The following SHANK2 variants were observed in gnomAD, a reference collection of about 807,000 sequenced individuals.
The protein encoded by SHANK2 is SH3 and multiple ankyrin repeat domains 2.
A neutral mutation model predicts 133.7 loss-of-function variants in SHANK2; 43 were observed. That is an observed-to-expected ratio of 0.32 (90% CI 0.25 to 0.41). The LOEUF is 0.41. Ranked by LOEUF, SHANK2 falls within the 10% of genes least tolerant of loss-of-function variation. SHANK2 has a pLI of 1.00. For missense variants in SHANK2, 1,994 were observed against 2,235.8 expected, an observed-to-expected ratio of 0.89 and a Z score of 2.18; for synonymous variants, 1,017 against 952.8, an observed-to-expected ratio of 1.07 and a Z score of -1.24.
chr11:70,750,643 C>T (rs967883707), intron 14 of SHANK2, among the ~76,000 whole-genome samples: 13 of 152,252 alleles, frequency 8.5e-5, no homozygotes, highest in Middle Eastern at 3.4e-3. Flanking sequence ...GAACAGGGAT[C>T]GTGTGAAGTG....
chr11:70,816,669 G>A (rs1948404839), intron 12 of SHANK2, among the ~76,000 whole-genome samples: 1 of 152,186 alleles, frequency 6.6e-6, no homozygotes, highest in East Asian at 1.9e-4. Context: ...AGGAGCAGAG[G>A]GGCTCAGCCA....
chr11:70,888,816 C>CA (rs532245553), intron 11 of SHANK2, among the ~76,000 whole-genome samples: 229 of 135,708 alleles, frequency 1.7e-3, no homozygotes, highest in Admixed American at 2.1e-3. Flanking sequence ...GACGCCATCT[C>CA]AAAAAAAAAG....
chr11:70,659,759 GACT>G, intron 17 of SHANK2, 66 bp downstream of exon 17: 1 of 1,599,958 alleles, frequency 6.3e-7, no homozygotes, highest in Non-Finnish European at 8.6e-7. Context: ...GTGCTGCCAG[GACT>G]ACGACCCTCT....
At chr11:70,513,384 A>G (rs770967013) in intron 17 of SHANK2, among the ~76,000 whole-genome samples, 259 of 152,332 alleles carry the variant, frequency 1.7e-3, no homozygotes, top group Non-Finnish European at 2.6e-3. Flanking sequence ...TAGGCTTGCT[A>G]TGATAAGGCT....
intron 12 of SHANK2, among the ~76,000 whole-genome samples, chr11:70,815,175 AACACAC>A (rs61610592): frequency 0.12 from 14,325 of 119,154 alleles, 1,064 homozygotes; most frequent in Non-Finnish European, 0.16. Context: ...TGGGAGAAGA[AACACAC>A]ACACACACAC....
At chr11:71,222,364 T>C (rs1954563938) in intron 2 of SHANK2, among the ~76,000 whole-genome samples, 1 of 152,214 alleles carries the variant, frequency 6.6e-6, no homozygotes, top group African/African-American at 2.4e-5. Flanking sequence ...GCAGGGCTGC[T>C]GCTCTGGAAG....
chr11:71,197,598 C>G (rs939040546), intron 2 of SHANK2, among the ~76,000 whole-genome samples: 14 of 152,182 alleles, frequency 9.2e-5, no homozygotes, highest in African/African-American at 3.4e-4. Flanking sequence ...CCCCATGGGT[C>G]TCAGATTTTA....
intron 11 of SHANK2, among the ~76,000 whole-genome samples, chr11:70,884,656 C>A (rs550166612): frequency 6.6e-6 from 1 of 152,176 alleles, no homozygotes; most frequent in Non-Finnish European, 1.5e-5. Context: ...TCCGGTCCCC[C>A]CCACCGAGTG....
intron 17 of SHANK2, among the ~76,000 whole-genome samples, chr11:70,643,858 T>C (rs2061221713): frequency 6.7e-6 from 1 of 150,200 alleles, no homozygotes; most frequent in South Asian, 2.1e-4. Flanking sequence ...ACAGAAACCA[T>C]ACCGTGTGCT....
chr11:70,872,936 C>T (rs1039566434), intron 11 of SHANK2: 20 of 462,196 alleles, frequency 4.3e-5, no homozygotes, highest in Non-Finnish European at 8.1e-5. Flanking sequence ...CACTGTCTGC[C>T]CTCTCCCCAC....
At position 70,486,562 on chromosome 11, in the gene SHANK2, T is replaced by C. The variant is rs1555153708; in HGVS notation, c.3731A>G (p.Asn1244Ser). ...TTTGGTATCAATGTAAAGAGGTTTG[T>C]TGAGGTCGGCCTTGGGGGCCTCCCC... ...PKGEAPKADL[N>S]KPLYIDTKMR... is the part of the protein sequence containing the mutation. Residue 1244 changes from asparagine (N) to serine (S), a missense_variant, in exon 25 of 26, where the codon AAC becomes AGC. This residue lies in a region of SHANK2 where 797 missense variants were observed against 907.4 expected (regional missense o/e 0.88). Transcript: ENST00000601538. This position sits in a 1 kb window ranked among gnomAD's most constrained non-coding sequence, Gnocchi z 8.0. 6.2e-7 allele frequency: 1 copy of C among 1,614,100 alleles called. No homozygotes were observed. Among genetic ancestry groups the C allele is most frequent in the Admixed American group, 1.7e-5 (1 of 60,016 alleles).
intron 10 of SHANK2, among the ~76,000 whole-genome samples, chr11:70,913,320 C>A (rs999714513): frequency 8.5e-5 from 13 of 152,148 alleles, no homozygotes; most frequent in Non-Finnish European, 1.9e-4. Flanking sequence ...ATATGGAATA[C>A]CCAGGGGGCT....
chr11:70,846,953 A>G (rs1206722243), intron 11 of SHANK2, among the ~76,000 whole-genome samples: 1 of 152,174 alleles, frequency 6.6e-6, no homozygotes, highest in Non-Finnish European at 1.5e-5. Context: ...CTCATAAAAG[A>G]GCCTGCTGCC....
Position 70,595,829 on chromosome 11 carries a change from G to A in SHANK2, c.2061+63999C>T, listed in dbSNP as rs185631567. Reference sequence around the variant, plus strand: ...ACCCTTCTCTCAAACTGCGGATTGTGGCCTGATTTGGACACGGGGTCTTTG... The same window carrying A: ...ACCCTTCTCTCAAACTGCGGATTGTAGCCTGATTTGGACACGGGGTCTTTG... On this transcript the variant is annotated intron_variant, in intron 17 of 25. Coordinates refer to ENST00000601538, the MANE Select transcript of SHANK2 (RefSeq NM_012309.5). Among the ~76,000 whole-genome samples the A allele has an allele frequency of 2.2e-3, 341 of 152,368 alleles. 1 individual carries two copies. The highest frequency in any genetic ancestry group is 7.9e-3 in the African/African-American group (329 of 41,582).
At chr11:70,931,690 A>T (rs1320011387) in intron 10 of SHANK2, among the ~76,000 whole-genome samples, 2 of 152,224 alleles carry the variant, frequency 1.3e-5, no homozygotes, top group Admixed American at 6.5e-5. Flanking sequence ...CCAAGGACAC[A>T]GCTATAATTA....
At chr11:71,087,748 C>T (rs1951437497) in intron 8 of SHANK2, among the ~76,000 whole-genome samples, 1 of 152,140 alleles carries the variant, frequency 6.6e-6, no homozygotes, top group East Asian at 1.9e-4. Context: ...CACGCCTCAG[C>T]CGCTCAAGTA....
intron 17 of SHANK2, among the ~76,000 whole-genome samples, chr11:70,648,432 C>G (rs1555009145): frequency 6.6e-6 from 1 of 152,224 alleles, no homozygotes; most frequent in East Asian, 1.9e-4. Context: ...GACACTGTCT[C>G]CTGGTGGCAG....
intron 15 of SHANK2, among the ~76,000 whole-genome samples, chr11:70,673,186 T>C (rs1266005898): frequency 6.6e-6 from 1 of 151,760 alleles, no homozygotes; most frequent in Non-Finnish European, 1.5e-5. Context: ...CCACTGAAGG[T>C]CCAGGCAGCC....
intron 3 of SHANK2, among the ~76,000 whole-genome samples, chr11:71,132,073 C>T (rs1952319946): frequency 6.6e-6 from 1 of 152,120 alleles, no homozygotes; most frequent in Non-Finnish European, 1.5e-5. Flanking sequence ...AGTGGATTAG[C>T]GACGAGGCCA....
Sources: allele counts gnomAD v4.1 joint callset (sites outside exome capture counted in the v4.1 genomes callset), GRCh38; gene constraint gnomAD v4.1.1; regional missense constraint gnomAD v4.1.1; non-coding constraint Gnocchi (gnomAD v3.1); transcripts MANE v1.5; gene names NCBI Gene and HGNC (gene_info 2026-07-23, HGNC 2026-07-21).